The following TAF6L variants were observed in gnomAD, a reference collection of about 807,000 sequenced individuals.
TAF6L encodes the protein TAF6-like RNA polymerase II p300/CBP-associated factor-associated factor 65 kDa subunit 6L.
Under a neutral mutation model 57.3 loss-of-function variants are expected in TAF6L, and 34 were observed. The observed-to-expected ratio is 0.59, with a 90% CI of 0.45 to 0.79. The LOEUF is 0.79. TAF6L is among the 30% of genes least tolerant of loss of function. The pLI is 0.00. For missense variants in TAF6L, 782 were observed against 853.2 expected, an observed-to-expected ratio of 0.92 and a Z score of 1.04; for synonymous variants, 417 against 376.3, an observed-to-expected ratio of 1.11 and a Z score of -1.25.
At chr11:62,776,616 C>T (rs1054423955) in intron 3 of TAF6L, 146 bp downstream of exon 3, 77 of 719,222 alleles carry the variant, frequency 1.1e-4, no homozygotes, top group South Asian at 7.8e-4. Flanking sequence ...TTTGGGAGGC[C>T]GAGGTGGGCG....
At position 62,787,278 on chromosome 11, in the gene TAF6L, G is replaced by T. The variant is rs779670910; in HGVS notation, c.1851G>T (p.Ser617=). ...GCCGGTGGGCGCTCTCGGACTACTC[G>T]CTGTACTTGCCGCTCTGAGTCAGTG... ...PARRWALSDY[S]LYLPL The change falls in exon 11 of 11, where the codon TCG becomes TCT. Residue 617 remains serine, a synonymous_variant. Coordinates refer to ENST00000294168, the MANE Select transcript of TAF6L (RefSeq NM_006473.4). 421 of 1,549,542 alleles carry T rather than the reference G, an allele frequency of 2.7e-4. 1 individual carries two copies. Among genetic ancestry groups the T allele is most frequent in the Non-Finnish European group, 3.4e-4 (394 of 1,155,492 alleles).
In TAF6L at chr11:62,787,332, G is replaced by T; in HGVS notation, c.*36G>T. ...CCTTCGTTCCTTGTAAATAAATCCC[G>T]CCCCCGGAAATGACGTCTCCACCTT... is the stretch of plus-strand genomic sequence containing the variant. On this transcript the variant is annotated 3_prime_UTR_variant, in exon 11 of 11. Coordinates refer to ENST00000294168, the MANE Select transcript of TAF6L (RefSeq NM_006473.4). 1 of 1,522,534 alleles carries T rather than the reference G, an allele frequency of 6.6e-7. No homozygotes were observed. Among genetic ancestry groups the T allele is most frequent in the Non-Finnish European group, 8.8e-7 (1 of 1,141,784 alleles). The allele number at this position is 1,522,534 out of a possible 1,614,324, so 94.3% of individuals were successfully genotyped here. A position where few individuals can be genotyped will look rare whatever the true frequency, so the allele number is the denominator to read the frequency against.
chr11:62,783,996 C>CTTTTTTTTTTTTT (rs2084250188), intron 9 of TAF6L, among the ~76,000 whole-genome samples: 1 of 2,090 alleles, frequency 4.8e-4, no homozygotes, highest in African/African-American at 1.9e-3. Context: ...CGCCACTACA[C>CTTTTTTTTTTTTT]TCCAGCCCGG....
chr11:62,774,137 C>T (rs541515466), intron 1 of TAF6L, among the ~76,000 whole-genome samples: 394 of 151,766 alleles, frequency 2.6e-3, no homozygotes, highest in African/African-American at 3.1e-3. Flanking sequence ...AGTGCAGTGG[C>T]GTGATCTCGG....
chr11:62,775,417 C>A (rs1041523979), intron 1 of TAF6L, among the ~76,000 whole-genome samples: 1 of 152,220 alleles, frequency 6.6e-6, no homozygotes, highest in African/African-American at 2.4e-5. Flanking sequence ...ATTTTCACAG[C>A]AACCCTGTGA....
chr11:62,779,976 A>ATTTTTTTTTTTTTTTT (rs1277954265), intron 6 of TAF6L, among the ~76,000 whole-genome samples: 1 of 52,632 alleles, frequency 1.9e-5, no homozygotes, highest in Non-Finnish European at 3.6e-5. Context: ...ATATATATAT[A>ATTTTTTTTTTTTTTTT]TTTTTTTTTT....
At position 62,781,792 on chromosome 11, in the gene TAF6L, G is replaced by A; in HGVS notation, c.532-102G>A. 5.1e-6 allele frequency: 5 copies of A among 975,118 alleles called. No individual in the cohort carries two copies. The South Asian group carries it at 6.7e-5, about 13-fold the overall frequency. The allele number at this position is 975,118 out of a possible 1,614,324, so 60.4% of individuals were successfully genotyped here. ...ATCAAAGAATATGAACATTAAAATT[G>A]TAAAACATGAATAAGGTGATACACT... On this transcript the variant is annotated intron_variant, in intron 6 of 10. Coordinates refer to ENST00000294168, the MANE Select transcript of TAF6L (RefSeq NM_006473.4).
chr11:62,779,080 G>A (rs375562800), intron 6 of TAF6L, 117 bp downstream of exon 6: 16 of 827,164 alleles, frequency 1.9e-5, no homozygotes, highest in Admixed American at 8.8e-5. Context: ...GAGTGCAATG[G>A]CATGATCTCA....
chr11:62,785,983 G>C (rs138897883), intron 9 of TAF6L: 1 of 290,638 alleles, frequency 3.4e-6, no homozygotes, highest in African/African-American at 2.1e-5. Context: ...ACTAAATTTT[G>C]GAGTTGTCAG....
intron 9 of TAF6L, among the ~76,000 whole-genome samples, chr11:62,785,353 G>A (rs764582294): frequency 6.6e-6 from 1 of 150,586 alleles, no homozygotes; most frequent in South Asian, 2.1e-4. Context: ...CACCATACCT[G>A]GCTAATTTTT....
In TAF6L at chr11:62,786,833, C is replaced by T. The variant is rs757528049; in HGVS notation, c.1406C>T (p.Pro469Leu). Residue 469 changes from proline to leucine, a missense_variant, in exon 11 of 11, where the codon CCC (proline) becomes CTC (leucine). This residue lies in a region of TAF6L where 483 missense variants were observed against 445.1 expected (regional missense o/e 1.09). Coordinates refer to ENST00000294168, the MANE Select transcript of TAF6L (RefSeq NM_006473.4). The part of the protein sequence containing the change: ...GQPAPTAPRP[P>L]GDKKEPAAAP... ...CCTGCACCCACGGCTCCGCGGCCGC[C>T]CGGGGACAAGAAGGAGCCGGCGGCA... 85 of 1,602,588 alleles carry T rather than the reference C, an allele frequency of 5.3e-5. No individual in the cohort carries two copies. In the South Asian group the frequency reaches 9.4e-4, roughly 18 times the overall value.
Position 62,776,551 on chromosome 11 carries a change from G to C in TAF6L, c.234+81G>C, listed in dbSNP as rs1005615647. ...CAGTTCAGGGCTGGCGATGTGGTGA[G>C]ACATTAAGACCAAACGCTGCCGGGC... On this transcript the variant is annotated intron_variant, in intron 3 of 10. Transcript: ENST00000294168. The C allele has an allele frequency of 9.2e-6, 13 of 1,417,976 alleles. No homozygotes were observed. In the African/African-American group the frequency reaches 1.8e-4, roughly 20 times the overall value. 87.8% of individuals were successfully genotyped at this position (1,417,976 alleles called of 1,614,324 possible). A position where few individuals can be genotyped will look rare whatever the true frequency, so the allele number is the denominator to read the frequency against.
chr11:62,785,925 C>G (rs192076568), intron 9 of TAF6L: 2 of 178,276 alleles, frequency 1.1e-5, no homozygotes, highest in East Asian at 2.9e-4. Flanking sequence ...CAGTTTACAT[C>G]TAAGTGAAGC....
Position 62,778,048 on chromosome 11 carries a change from C to T in TAF6L, c.305C>T (p.Pro102Leu). 6.2e-7 allele frequency: 1 copy of T among 1,614,186 alleles called. No homozygotes were observed. Among genetic ancestry groups the T allele is most frequent in the Non-Finnish European group, 8.5e-7 (1 of 1,180,042 alleles). ...RPAREGELYF[P>L]EDREVNLVEL... Reference sequence around the variant, plus strand: ...GCCAGGGAGGGTGAACTCTACTTTCCTGAGGATCGAGAGGTGAACCTGGTG... The same window carrying T: ...GCCAGGGAGGGTGAACTCTACTTTCTTGAGGATCGAGAGGTGAACCTGGTG... Residue 102 changes from proline (P) to leucine (L), a missense_variant, in exon 4 of 11, where the codon CCT becomes CTT. By Grantham distance (98) the Pro-to-Leu change is moderately conservative. This residue lies in a region of TAF6L where 220 missense variants were observed against 252.1 expected (regional missense o/e 0.87). Coordinates refer to ENST00000294168, the MANE Select transcript of TAF6L (RefSeq NM_006473.4).
intron 6 of TAF6L, among the ~76,000 whole-genome samples, chr11:62,779,319 C>T (rs1375394302): frequency 2.0e-5 from 3 of 152,034 alleles, no homozygotes; most frequent in Non-Finnish European, 1.5e-5. Flanking sequence ...CTTAGCCTCC[C>T]GAGTAGCTGG....
At chr11:62,772,077 T>A (rs1020470653) in intron 1 of TAF6L, 3 of 456,234 alleles carry the variant, frequency 6.6e-6, no homozygotes, top group Non-Finnish European at 1.3e-5. Flanking sequence ...CAGTGCTTAC[T>A]TCATGATCTT....
intron 6 of TAF6L, among the ~76,000 whole-genome samples, chr11:62,779,239 G>A (rs921188752): frequency 2.9e-4 from 44 of 152,180 alleles, no homozygotes; most frequent in Non-Finnish European, 5.1e-4. Context: ...TTGTCACCCA[G>A]GCTGGAGTGC....
At chr11:62,785,998 G>A (rs482715) in intron 9 of TAF6L, 32 of 340,430 alleles carry the variant, frequency 9.4e-5, no homozygotes, top group African/African-American at 6.5e-4. Context: ...TGTCAGTAAT[G>A]AGCATTATTT....
At chr11:62,785,655 C>T (rs1425011100) in intron 9 of TAF6L, among the ~76,000 whole-genome samples, 2 of 151,968 alleles carry the variant, frequency 1.3e-5, no homozygotes, top group Non-Finnish European at 2.9e-5. Context: ...CTGCCTCAGC[C>T]TCCCAAGTAG....
Sources: gnomAD v4.1 joint callset for allele counts (sites outside exome capture counted in the v4.1 genomes callset) on GRCh38, gnomAD v4.1.1 for gene constraint, gnomAD v4.1.1 regional missense constraint, MANE v1.5 for transcripts, NCBI Gene and HGNC (gene_info 2026-07-23, HGNC 2026-07-21) for gene names.